Variants in SETBP1 observed in about 807,000 individuals in gnomAD.
SETBP1 encodes the protein SET-binding protein.
In SETBP1, 9 loss-of-function variants were observed where a neutral mutation model predicts 101.0. The ratio of observed to expected loss-of-function variants is 0.09; its 90% CI spans 0.05 to 0.16. SETBP1 has a LOEUF of 0.16. Ranked by LOEUF, SETBP1 falls within the 10% of genes least tolerant of loss-of-function variation. The probability of loss-of-function intolerance (pLI) is 1.00; values close to 1 mark genes in which losing one functional copy is unlikely to be tolerated. For missense variants in SETBP1, 1,858 were observed against 2,033.8 expected (o/e 0.91, Z 1.66); for synonymous variants, 818 against 788.5 (o/e 1.04, Z -0.63).
chr18:44,773,231 T>G (rs201757767), intron 2 of SETBP1, among the ~76,000 whole-genome samples: 3 of 152,352 alleles, frequency 2.0e-5, no homozygotes, highest in East Asian at 3.9e-4. Context: ...ATCTCTGCAC[T>G]ATCTATTAGT....
Position 45,065,234 on chromosome 18 carries a change from G to A in SETBP1, c.*1536G>A, listed in dbSNP as rs765503009. 3.3e-5 allele frequency: 5 copies of A among 152,126 alleles called. No homozygotes were observed. Among genetic ancestry groups the A allele is most frequent in the Non-Finnish European group, 5.9e-5 (4 of 68,034 alleles). The allele number at this position is 152,126 out of a possible 1,614,324, so 9.4% of individuals were successfully genotyped here. ...AATGAATATGAAGAATTCCATTTCC[G>A]TAGATGTTTTCTAAAAGTCAGATTG... On this transcript the variant is annotated 3_prime_UTR_variant, in exon 6 of 6. Coordinates refer to ENST00000649279, the MANE Select transcript of SETBP1 (RefSeq NM_015559.3).
At chr18:44,856,872 T>G (rs1052641500) in intron 2 of SETBP1, among the ~76,000 whole-genome samples, 1 of 152,198 alleles carries the variant, frequency 6.6e-6, no homozygotes, top group Admixed American at 6.5e-5. Context: ...CTTTTCCACT[T>G]TCTTGATGTT....
chr18:45,004,394 C>A (rs1433778367), intron 4 of SETBP1, among the ~76,000 whole-genome samples: 1 of 152,192 alleles, frequency 6.6e-6, no homozygotes, highest in Non-Finnish European at 1.5e-5. Context: ...CTTTCACATG[C>A]ACTGTGTAGA....
chr18:44,932,607 G>T (rs1475991413), intron 3 of SETBP1, among the ~76,000 whole-genome samples: 2 of 152,056 alleles, frequency 1.3e-5, no homozygotes, highest in East Asian at 3.9e-4. Flanking sequence ...TTTTCACATA[G>T]TCCCATATTT....
intron 1 of SETBP1, among the ~76,000 whole-genome samples, chr18:44,699,208 G>A (rs1041248676): frequency 4.6e-5 from 7 of 152,152 alleles, no homozygotes; most frequent in South Asian, 4.1e-4. Flanking sequence ...TTAAAATGTC[G>A]TTGGAGATTC....
At chr18:44,744,899 C>G (rs1249769472) in intron 2 of SETBP1, among the ~76,000 whole-genome samples, 1 of 152,124 alleles carries the variant, frequency 6.6e-6, no homozygotes, top group Non-Finnish European at 1.5e-5. Context: ...AGGGCATTGT[C>G]CAGGGTGGCG....
At chr18:45,043,336 C>T (rs2073546165) in intron 5 of SETBP1, among the ~76,000 whole-genome samples, 2 of 149,342 alleles carry the variant, frequency 1.3e-5, no homozygotes, top group Admixed American at 6.7e-5. Context: ...AATGGGAAGA[C>T]AAGTATATCC....
chr18:44,961,132 G>A (rs2071601918), intron 4 of SETBP1, among the ~76,000 whole-genome samples: 1 of 152,164 alleles, frequency 6.6e-6, no homozygotes, highest in Non-Finnish European at 1.5e-5. Context: ...AGGGAATGAA[G>A]GAAGGAGGGT....
chr18:44,682,153 C>A (rs1156667676), intron 1 of SETBP1, among the ~76,000 whole-genome samples: 2 of 152,232 alleles, frequency 1.3e-5, no homozygotes, highest in Non-Finnish European at 2.9e-5. Context: ...CCAAAACTAT[C>A]TGCCGATTTG....
intron 3 of SETBP1, among the ~76,000 whole-genome samples, chr18:44,884,211 A>T (rs938495032): frequency 6.6e-6 from 1 of 152,136 alleles, no homozygotes; most frequent in Admixed American, 6.6e-5. Context: ...TATCTCAATG[A>T]CCTTGTTCAA....
intron 5 of SETBP1, among the ~76,000 whole-genome samples, chr18:45,044,846 G>T (rs894170140): frequency 1.3e-5 from 2 of 152,228 alleles, no homozygotes; most frequent in Non-Finnish European, 2.9e-5. Flanking sequence ...TTATGAGAAT[G>T]CAGGCACTGG....
At chr18:44,850,064 A>G (rs1433482162) in intron 2 of SETBP1, among the ~76,000 whole-genome samples, 1 of 152,170 alleles carries the variant, frequency 6.6e-6, no homozygotes, top group Non-Finnish European at 1.5e-5. Context: ...CTCACCTCCA[A>G]AACTTGATCA....
chr18:44,889,118 C>T (rs1814740697), intron 3 of SETBP1, among the ~76,000 whole-genome samples: 2 of 152,068 alleles, frequency 1.3e-5, no homozygotes, highest in Non-Finnish European at 2.9e-5. Flanking sequence ...CAGTCCCCTC[C>T]ATGGTTTCTT....
intron 3 of SETBP1, among the ~76,000 whole-genome samples, chr18:44,925,034 TTC>T (rs1161738853): frequency 1.4e-5 from 2 of 144,950 alleles, no homozygotes; most frequent in Admixed American, 7.0e-5. Context: ...TTTTTTTTTT[TTC>T]ACGAGAATGA....
At chr18:44,814,098 G>A (rs1438656363) in intron 2 of SETBP1, among the ~76,000 whole-genome samples, 1 of 152,214 alleles carries the variant, frequency 6.6e-6, no homozygotes, top group Non-Finnish European at 1.5e-5. Flanking sequence ...TATAGCTGAG[G>A]CAAGGGCTGA....
chr18:44,969,534 G>C (rs2071795193), intron 4 of SETBP1, among the ~76,000 whole-genome samples: 1 of 152,166 alleles, frequency 6.6e-6, no homozygotes, highest in South Asian at 2.1e-4. Flanking sequence ...AAATAAAGGA[G>C]GGACTTTAGG....
At chr18:44,851,961 G>T (rs893798832) in intron 2 of SETBP1, among the ~76,000 whole-genome samples, 2 of 152,214 alleles carry the variant, frequency 1.3e-5, no homozygotes, top group African/African-American at 4.8e-5. Flanking sequence ...CATGCCCCAG[G>T]CTCACGGCCT....
intron 4 of SETBP1, among the ~76,000 whole-genome samples, chr18:45,019,453 C>T (rs1253340646): frequency 6.6e-6 from 1 of 152,142 alleles, no homozygotes; most frequent in Non-Finnish European, 1.5e-5. Flanking sequence ...ATGTATTTAT[C>T]GTTTTTTGTG....
chr18:44,954,728 A>G (rs1472533700), intron 4 of SETBP1, among the ~76,000 whole-genome samples: 1 of 152,194 alleles, frequency 6.6e-6, no homozygotes, highest in Admixed American at 6.5e-5. Flanking sequence ...GTAATAAATG[A>G]CCTACACTTT....
Sources: allele counts gnomAD v4.1 joint callset (sites outside exome capture counted in the v4.1 genomes callset), GRCh38; gene constraint gnomAD v4.1.1; transcripts MANE v1.5; gene names NCBI Gene and HGNC (gene_info 2026-07-23, HGNC 2026-07-21).